The following OLFM3 variants were observed in gnomAD, a reference collection of about 807,000 sequenced individuals.
OLFM3 encodes the protein noelin-3.
Under a neutral mutation model 48.6 loss-of-function variants are expected in OLFM3, and 20 were observed. The observed-to-expected ratio is 0.41, with a 90% CI of 0.29 to 0.60. The LOEUF (loss-of-function observed/expected upper bound fraction) is 0.60. OLFM3 is among the 20% of genes least tolerant of loss of function. The pLI, the probability that OLFM3 is intolerant of heterozygous loss-of-function variation, is 0.28. For synonymous variants in OLFM3, 222 were observed against 198.1 expected, an observed-to-expected ratio of 1.12 and a Z score of -1.01; for missense variants, 437 against 544.3, an observed-to-expected ratio of 0.80 and a Z score of 1.96.
intron 1 of OLFM3, among the ~76,000 whole-genome samples, chr1:101,994,714 A>C (rs989440375): frequency 1.3e-5 from 2 of 151,626 alleles, no homozygotes; most frequent in Non-Finnish European, 3.0e-5. Context: ...CTTGTTTTGA[A>C]AGTTTTAATA....
chr1:101,829,083 T>C (rs1003670264), intron 3 of OLFM3, among the ~76,000 whole-genome samples: 15 of 152,200 alleles, frequency 9.9e-5, no homozygotes, highest in African/African-American at 3.6e-4. Context: ...TGCCTGTTAG[T>C]TGTCTTTCAT....
intron 3 of OLFM3, among the ~76,000 whole-genome samples, chr1:101,829,457 C>T (rs1464242443): frequency 6.6e-6 from 1 of 152,174 alleles, no homozygotes. Flanking sequence ...CTGGGTAAAA[C>T]TTTAAAACCA....
At chr1:101,806,332 G>A in intron 4 of OLFM3, 150 bp from the exon 5 acceptor site, 2 of 620,934 alleles carry the variant, frequency 3.2e-6, no homozygotes, top group Non-Finnish European at 2.8e-6. Context: ...ATTCACAATG[G>A]GTGCTGGGCC....
chr1:101,931,957 C>T (rs1659457282), intron 1 of OLFM3, among the ~76,000 whole-genome samples: 1 of 152,080 alleles, frequency 6.6e-6, no homozygotes, highest in South Asian at 2.1e-4. Context: ...CTAAAGGTGA[C>T]CTACAATAAT....
In OLFM3 at chr1:101,955,078, T is replaced by C. The variant is rs114891016; in HGVS notation, c.69+41670A>G. 8.1e-3 allele frequency among the ~76,000 whole-genome samples: 1,231 copies of C among 152,186 alleles called. 21 individuals are homozygous for C. The highest frequency in any genetic ancestry group is 0.028 in the African/African-American group (1,160 of 41,552). ...ATGTAAAATAAATTCTCCATATGGTTCATTTTGGCATGCTAGAATTCTACA... is the reference window on the plus strand; with the variant it reads ...ATGTAAAATAAATTCTCCATATGGTCCATTTTGGCATGCTAGAATTCTACA... On this transcript the variant is annotated intron_variant, in intron 1 of 5. Coordinates refer to ENST00000370103, the MANE Select transcript of OLFM3 (RefSeq NM_058170.4).
chr1:101,967,590 G>GAAAAAAAAAAAAAAAAAAA lies in OLFM3; in HGVS notation c.69+29139_69+29157dup, dbSNP rs71592233. 6.1e-4 allele frequency among the ~76,000 whole-genome samples: 27 copies of GAAAAAAAAAAAAAAAAAAA among 44,580 alleles called. 1 individual carries two copies. The highest frequency in any genetic ancestry group is 4.7e-3 in the East Asian group (4 of 852). The allele number at this position is 44,580 out of a possible 152,430, so 29.2% of individuals were successfully genotyped here. ...CCTTTTTACTTCCATCCTAGTCAGT[G>GAAAAAAAAAAAAAAAAAAA]AAAAAAAAAAAAAAAAAAAAAAAAG... On this transcript the variant is annotated intron_variant, in intron 1 of 5. Transcript: ENST00000370103.
chr1:101,944,220 T>C (rs939889989), intron 1 of OLFM3, among the ~76,000 whole-genome samples: 2 of 152,072 alleles, frequency 1.3e-5, no homozygotes, highest in Non-Finnish European at 2.9e-5. Flanking sequence ...CCTAGGAAAG[T>C]AACCTCTGAA....
intron 1 of OLFM3, among the ~76,000 whole-genome samples, chr1:101,845,388 T>TA (rs796178785): frequency 4.6e-5 from 7 of 150,642 alleles, no homozygotes; most frequent in Admixed American, 2.0e-4. Context: ...CAGTCAACAA[T>TA]AAAAAAAAAC....
At chr1:101,813,173 T>G in intron 4 of OLFM3, 4 of 1,104,704 alleles carry the variant, frequency 3.6e-6, no homozygotes, top group Non-Finnish European at 4.8e-6. Flanking sequence ...AAGAAAGAAG[T>G]TATATTGGAC....
At chr1:101,842,734 A>T (rs188248500) in intron 1 of OLFM3, among the ~76,000 whole-genome samples, 30 of 152,302 alleles carry the variant, frequency 2.0e-4, no homozygotes, top group Admixed American at 1.8e-3. Flanking sequence ...ACTGCTTTAC[A>T]GGCAGCCCCC....
intron 4 of OLFM3, among the ~76,000 whole-genome samples, chr1:101,809,730 C>G (rs535906242): frequency 6.2e-4 from 94 of 151,898 alleles, no homozygotes; most frequent in African/African-American, 2.2e-3. Flanking sequence ...TCTAGAGAAA[C>G]TGGGTAATGC....
rs886301341 is a variant in OLFM3, at chr1:101,849,250, G to A, written c.70-12225C>T. Among the ~76,000 whole-genome samples, 3 of 152,360 alleles carry A rather than the reference G, an allele frequency of 2.0e-5. No homozygotes were observed. In the East Asian group the frequency reaches 5.8e-4, roughly 29 times the overall value. The stretch of plus-strand genomic sequence containing the variant: ...TTTGCAAAGAGCTAAATAGTTTGCA[G>A]TACTCTCATAGTCTACTGAAGTGAT... On this transcript the variant is annotated intron_variant, in intron 1 of 5. Coordinates refer to ENST00000370103, the MANE Select transcript of OLFM3 (RefSeq NM_058170.4).
chr1:101,859,022 T>A (rs6661052), intron 1 of OLFM3, among the ~76,000 whole-genome samples: 79,682 of 151,748 alleles, frequency 0.53, 21,757 homozygotes, highest in African/African-American at 0.64. Flanking sequence ...ATTTCAACAC[T>A]GGTGACAGCA....
intron 1 of OLFM3, among the ~76,000 whole-genome samples, chr1:101,838,113 C>T (rs1033044338): frequency 2.6e-5 from 4 of 152,154 alleles, no homozygotes; most frequent in Admixed American, 2.0e-4. Flanking sequence ...ATCCTCCCAC[C>T]TCAGCCGATA....
intron 1 of OLFM3, among the ~76,000 whole-genome samples, chr1:101,913,082 G>A (rs1053267301): frequency 2.0e-5 from 3 of 152,170 alleles, no homozygotes; most frequent in Non-Finnish European, 4.4e-5. Flanking sequence ...TTGAAAGTGT[G>A]TAAGGAGCAA....
rs1169814872 is a variant in OLFM3 at position 101,803,980 on chromosome 1, G to A, written c.*258C>T. The stretch of plus-strand genomic sequence containing the variant: ...AATCTCTTGCAAAACTATGACTTTA[G>A]CCACTTAAACTCTTTTTTTTTTTAG... On this transcript the variant is annotated 3_prime_UTR_variant, in exon 6 of 6. Transcript: ENST00000370103. 2 of 268,018 alleles carry A rather than the reference G, an allele frequency of 7.5e-6. No homozygotes were observed. The highest frequency in any genetic ancestry group is 1.4e-5 in the Non-Finnish European group (2 of 146,004). 16.6% of individuals were successfully genotyped at this position (268,018 alleles called of 1,614,324 possible).
chr1:101,824,127 C>T (rs1024203518), intron 4 of OLFM3, among the ~76,000 whole-genome samples: 3 of 150,238 alleles, frequency 2.0e-5, no homozygotes, highest in Admixed American at 6.6e-5. Flanking sequence ...TGTGTGTGTG[C>T]TTTACTTCTC....
Position 101,901,685 on chromosome 1 carries a change from AAT to A in OLFM3, c.70-64662_70-64661del, listed in dbSNP as rs1021940951. On this transcript the variant is annotated intron_variant, in intron 1 of 5. Coordinates refer to ENST00000370103, the MANE Select transcript of OLFM3 (RefSeq NM_058170.4). The stretch of plus-strand genomic sequence containing the variant: ...AGTGGGGAAGAATGTGGACATGAGA[AAT>A]ATATGGTGATTTACAGACCTGACAG... Among the ~76,000 whole-genome samples, 24 of 152,190 alleles carry A rather than the reference AAT, an allele frequency of 1.6e-4. 1 individual carries two copies. Among genetic ancestry groups the A allele is most frequent in the African/African-American group, 5.8e-4 (24 of 41,558 alleles).
intron 1 of OLFM3, among the ~76,000 whole-genome samples, chr1:101,930,813 A>G (rs946732751): frequency 5.3e-5 from 8 of 152,240 alleles, no homozygotes; most frequent in Non-Finnish European, 1.0e-4. Context: ...CAGGGTGGAC[A>G]GTTACTAAGT....
Sources: allele counts gnomAD v4.1 joint callset (sites outside exome capture counted in the v4.1 genomes callset), GRCh38; gene constraint gnomAD v4.1.1; transcripts MANE v1.5; gene names NCBI Gene and HGNC (gene_info 2026-07-23, HGNC 2026-07-21).